Variants in STK36 observed in about 807,000 individuals in gnomAD.
STK36 encodes the protein serine/threonine-protein kinase 36.
STK36 carries 116 observed loss-of-function variants against 142.2 expected under a neutral mutation model. The ratio of observed to expected loss-of-function variants is 0.82; its 90% CI spans 0.70 to 0.95. STK36 has a LOEUF of 0.95. Among genes scored for constraint, STK36 ranks in the 40% least tolerant of loss-of-function variants. The pLI, the probability that STK36 is intolerant of heterozygous loss-of-function variation, is 0.00. For missense variants in STK36, 1,422 were observed against 1,617.2 expected, an observed-to-expected ratio of 0.88 and a Z score of 2.07; for synonymous variants, 619 against 641.7, an observed-to-expected ratio of 0.96 and a Z score of 0.53.
intron 21 of STK36, among the ~76,000 whole-genome samples, chr2:218,696,295 A>G (rs1045321402): frequency 1.3e-4 from 20 of 152,186 alleles, no homozygotes; most frequent in African/African-American, 4.8e-4. Context: ...ATCACTAGTG[A>G]TAGCACTAAC....
At chr2:218,673,292 A>G in intron 2 of STK36, 2 of 391,616 alleles carry the variant, frequency 5.1e-6, no homozygotes, top group Non-Finnish European at 9.1e-6. Context: ...CCATGTAATA[A>G]GAGGTAAACC....
chr2:218,697,044 G>A lies in STK36; in HGVS notation c.2592G>A (p.Gly864=), dbSNP rs145311920. ...TCTTTCACTTTTATCTCTAGCAGGG[G>A]AAGGCTAGCCTAATCAGGGATATGT... is the stretch of plus-strand genomic sequence containing the variant. The part of the protein sequence containing the change: ...ILLLQLLTEQ[G]KASLIRDMSS... The change falls in exon 23 of 27, where the codon GGG becomes GGA. Residue 864 remains glycine, a synonymous_variant. Transcript: ENST00000295709. 30 of 1,613,710 alleles carry A rather than the reference G, an allele frequency of 1.9e-5. No homozygotes were observed. Among genetic ancestry groups the A allele is most frequent in the Middle Eastern group, 3.3e-4 (2 of 6,060 alleles).
rs763633727 is a variant in STK36, at chr2:218,675,423, T to C, written c.384T>C (p.Pro128=). The C allele has an allele frequency of 1.7e-5, 27 of 1,612,490 alleles. 1 individual carries two copies. In the South Asian group the frequency reaches 2.5e-4, roughly 15 times the overall value. ...GCATCCTACACCGAGATATGAAGCC[T>C]CAGAACATCCTCCTCGCCAAGGGTG... ...SHRILHRDMK[P]QNILLAKGGG... Residue 128 remains proline, a synonymous_variant, in exon 5 of 27, where the codon CCT becomes CCC. Transcript: ENST00000295709.
At chr2:218,695,730 G>A (rs906429759) in intron 21 of STK36, among the ~76,000 whole-genome samples, 6 of 150,660 alleles carry the variant, frequency 4.0e-5, no homozygotes, top group Non-Finnish European at 5.9e-5. Flanking sequence ...TAGAGATGGG[G>A]TTTCACCATG....
Position 218,673,648 on chromosome 2 carries a change from A to C in STK36, c.108A>C (p.Pro36=), listed in dbSNP as rs763358271. 6.2e-7 allele frequency: 1 copy of C among 1,614,082 alleles called. No homozygotes were observed. The highest frequency in any genetic ancestry group is 1.7e-5 in the Admixed American group (1 of 59,988). The change falls in exon 3 of 27, where the codon CCA becomes CCC. Residue 36 remains proline, a synonymous_variant. Transcript: ENST00000295709. The part of the protein sequence containing the change: ...SAQVVALKFI[P]KLGRSEKELR... ...AGGTCGTGGCCCTGAAGTTCATCCC[A>C]AAATTGGGGCGCTCAGAGAAGGAGC...
At chr2:218,673,551 T>G in intron 2 of STK36, 74 bp from the exon 3 acceptor site, 128 of 1,520,206 alleles carry the variant, frequency 8.4e-5, no homozygotes, top group Non-Finnish European at 9.7e-5. Flanking sequence ...TCTGGAGCTC[T>G]GAGATTAAGG....
At chr2:218,676,702 G>T (rs990176839) in intron 6 of STK36, among the ~76,000 whole-genome samples, 3 of 148,846 alleles carry the variant, frequency 2.0e-5, no homozygotes, top group Non-Finnish European at 4.4e-5. Context: ...AGGCTGGAGT[G>T]TAGTGGCGTG....
chr2:218,676,310 C>T, intron 6 of STK36, 32 bp downstream of exon 6: 3 of 1,610,474 alleles, frequency 1.9e-6, no homozygotes, highest in Non-Finnish European at 2.5e-6. Context: ...ATGACTTTTA[C>T]ATTAGAAATC....
chr2:218,696,759 C>G (rs1941247836), intron 22 of STK36, 158 bp downstream of exon 22: 1 of 935,318 alleles, frequency 1.1e-6, no homozygotes, highest in South Asian at 1.3e-5. Flanking sequence ...GCCCTCAGTA[C>G]TGACCCTTTG....
chr2:218,689,881 T>C lies in STK36; in HGVS notation c.1583T>C (p.Leu528Ser). 6.2e-7 allele frequency: 1 copy of C among 1,610,352 alleles called. No homozygotes were observed. Among genetic ancestry groups the C allele is most frequent in the South Asian group, 1.1e-5 (1 of 89,988 alleles). The change falls in exon 13 of 27, where the codon TTA becomes TCA. Residue 528 changes from leucine to serine, a missense_variant. Coordinates refer to ENST00000295709, the MANE Select transcript of STK36 (RefSeq NM_015690.5). ...LQQQSWYGTF[L>S]QDLMAVIQAY... ...CAGCAATCTTGGTATGGGACCTTCT[T>C]ACAGGACCTGATGGCTGTGATTCAG...
intron 2 of STK36, 66 bp downstream of exon 2, chr2:218,672,979 T>A (rs745773284): frequency 2.3e-5 from 32 of 1,415,594 alleles, no homozygotes; most frequent in Non-Finnish European, 3.0e-5. Flanking sequence ...GGAAAATGGA[T>A]CTAGAAGGAA....
chr2:218,675,265 T>G, intron 4 of STK36, 78 bp from the exon 5 acceptor site: 1 of 1,508,582 alleles, frequency 6.6e-7, no homozygotes. Context: ...GCAGTAATAT[T>G]AAGAGAAATT....
intron 14 of STK36, among the ~76,000 whole-genome samples, 171 bp from the exon 15 acceptor site, chr2:218,691,972 C>T (rs1220075326): frequency 6.6e-6 from 1 of 152,220 alleles, no homozygotes; most frequent in Non-Finnish European, 1.5e-5. Context: ...GTCCTTGAAG[C>T]ATGAATGAAA....
At position 218,676,137 on chromosome 2, in the gene STK36, G is replaced by A. The variant is rs778410018; in HGVS notation, c.543G>A (p.Ala181=). Residue 181 remains alanine (A), a synonymous_variant, in exon 6 of 27, where the codon GCG becomes GCA. Coordinates refer to ENST00000295709, the MANE Select transcript of STK36 (RefSeq NM_015690.5). ...LVEERPYDHT[A]DLWSVGCILY... is the part of the protein sequence containing the mutation. ...AGGAGCGACCATACGACCACACAGC[G>A]GACCTCTGGTCTGTTGGCTGCATAC... is the stretch of plus-strand genomic sequence containing the variant. 3.4e-5 allele frequency: 55 copies of A among 1,614,112 alleles called. 4 individuals are homozygous for A. The South Asian group carries it at 4.6e-4, about 14-fold the overall frequency.
chr2:218,692,045 T>A, intron 14 of STK36, 98 bp from the exon 15 acceptor site: 4 of 1,463,796 alleles, frequency 2.7e-6, no homozygotes, highest in Non-Finnish European at 1.8e-6. Context: ...TGCTTTGGTT[T>A]TTGTCCTCTT....
rs112569373 is a variant in STK36 at position 218,685,309 on chromosome 2, AAG to A, written c.1380+85_1380+86del. ...ATTGAAATACACTGACTTCAGGAGA[AAG>A]AGAAAGTTTGTCCTTTTCCAGTTCT... On this transcript the variant is annotated intron_variant, in intron 11 of 26. Coordinates refer to ENST00000295709, the MANE Select transcript of STK36 (RefSeq NM_015690.5). The A allele has an allele frequency of 2.2e-3, 3,495 of 1,556,042 alleles. 75 individuals are homozygous for A. The African/African-American group carries it at 0.042, about 19-fold the overall frequency.
At chr2:218,672,677 T>G in intron 1 of STK36, 64 bp from the exon 2 acceptor site, 1 of 666,170 alleles carries the variant, frequency 1.5e-6, no homozygotes, top group Non-Finnish European at 2.7e-6. Context: ...TTTTTGAGGC[T>G]TTATTGTGAA....
chr2:218,690,341 G>A, intron 13 of STK36, 109 bp from the exon 14 acceptor site: 2 of 867,322 alleles, frequency 2.3e-6, no homozygotes, highest in Admixed American at 1.7e-5. Context: ...GGAACATTCT[G>A]ATGTGTCCCT....
In STK36 at chr2:218,676,050, C is replaced by T. The variant is rs1337121461; in HGVS notation, c.456C>T (p.Thr152=). 1 of 1,614,022 alleles carries T rather than the reference C, an allele frequency of 6.2e-7. No individual in the cohort carries two copies. Among genetic ancestry groups the T allele is most frequent in the Admixed American group, 1.7e-5 (1 of 60,012 alleles). ...CDFGFARAMS[T]NTMVLTSIKG... is the part of the protein sequence containing the mutation. ...GCAGATTTGCCCGGGCTATGAGCAC[C>T]AATACAATGGTGCTGACATCCATCA... The change falls in exon 6 of 27, where the codon ACC becomes ACT. Residue 152 remains threonine (T), a synonymous_variant. Transcript: ENST00000295709.
Sources: allele counts gnomAD v4.1 joint callset (sites outside exome capture counted in the v4.1 genomes callset), GRCh38; gene constraint gnomAD v4.1.1; transcripts MANE v1.5; gene names NCBI Gene and HGNC (gene_info 2026-07-23, HGNC 2026-07-21).